DLGAP2: variants seen among roughly 807,000 people sequenced by gnomAD.
The protein encoded by DLGAP2 is disks large-associated protein 2.
Under a neutral mutation model 100.3 loss-of-function variants are expected in DLGAP2, and 26 were observed. The ratio of observed to expected loss-of-function variants is 0.26; its 90% CI spans 0.19 to 0.36. The LOEUF (loss-of-function observed/expected upper bound fraction) is 0.36. DLGAP2 is among the 10% of genes least tolerant of loss of function. DLGAP2 has a pLI of 1.00. For synonymous variants in DLGAP2, 886 were observed against 630.1 expected (o/e 1.41, Z -6.08); for missense variants, 1,858 against 1,453.2 (o/e 1.28, Z -4.53).
At chr8:765,455 G>A (rs1157415453) in intron 1 of DLGAP2, among the ~76,000 whole-genome samples, 1 of 152,060 alleles carries the variant, frequency 6.6e-6, no homozygotes, top group African/African-American at 2.4e-5. Context: ...GATCATTTTT[G>A]TTGACTTGTG....
At chr8:1,122,697 C>T (rs1403545431) in intron 2 of DLGAP2, among the ~76,000 whole-genome samples, 1 of 151,952 alleles carries the variant, frequency 6.6e-6, no homozygotes, top group Non-Finnish European at 1.5e-5. Context: ...AAAGTAGAAG[C>T]TATACTCCCT....
At chr8:1,595,109 C>T (rs1198002806) in intron 6 of DLGAP2, among the ~76,000 whole-genome samples, 1 of 151,934 alleles carries the variant, frequency 6.6e-6, no homozygotes, top group Non-Finnish European at 1.5e-5. Context: ...GGCGTCATCT[C>T]AGCCCACTGC....
chr8:1,411,723 C>G (rs942789009), intron 3 of DLGAP2, among the ~76,000 whole-genome samples: 1 of 152,206 alleles, frequency 6.6e-6, no homozygotes, highest in African/African-American at 2.4e-5. Context: ...AGCTGCGTGT[C>G]TACTTCATTT....
intron 2 of DLGAP2, among the ~76,000 whole-genome samples, chr8:908,780 A>G (rs556168055): frequency 2.0e-4 from 30 of 152,338 alleles, no homozygotes; most frequent in South Asian, 1.0e-3. Flanking sequence ...ATTCATTTCT[A>G]AAAGCAATCG....
At chr8:1,593,118 C>A (rs747962325) in intron 6 of DLGAP2, among the ~76,000 whole-genome samples, 16 of 152,132 alleles carry the variant, frequency 1.1e-4, no homozygotes, top group Non-Finnish European at 2.1e-4. Context: ...TCAACAAACA[C>A]AGCCGTTCAA....
intron 2 of DLGAP2, among the ~76,000 whole-genome samples, chr8:979,332 C>T (rs1229811573): frequency 6.6e-6 from 1 of 152,228 alleles, no homozygotes; most frequent in Non-Finnish European, 1.5e-5. Context: ...ATGGGAATCT[C>T]AGTGGATATC....
intron 3 of DLGAP2, among the ~76,000 whole-genome samples, chr8:1,376,666 GGGATGTGTGGT>G: frequency 7.9e-6 from 1 of 126,384 alleles, no homozygotes; most frequent in Admixed American, 8.3e-5. Context: ...TGACCCCGGT[GGGATGTGTGGT>G]CATCGGCGGA....
chr8:1,230,227 A>G (rs890497791), intron 2 of DLGAP2, among the ~76,000 whole-genome samples: 2 of 152,228 alleles, frequency 1.3e-5, no homozygotes, highest in Admixed American at 6.5e-5. Flanking sequence ...GTGAAGTTCA[A>G]ACTGAGAGCC....
chr8:1,322,595 C>T (rs1327802733), intron 3 of DLGAP2, among the ~76,000 whole-genome samples: 6 of 151,600 alleles, frequency 4.0e-5, no homozygotes, highest in African/African-American at 7.3e-5. Flanking sequence ...GAAATGTGTG[C>T]GCCCACCTGG....
intron 3 of DLGAP2, among the ~76,000 whole-genome samples, chr8:1,462,685 G>C (rs150435859): frequency 1.3e-5 from 2 of 152,162 alleles, no homozygotes; most frequent in South Asian, 2.1e-4. Context: ...GGCTGCCAGC[G>C]TGGGTGGCTG....
intron 2 of DLGAP2, among the ~76,000 whole-genome samples, chr8:948,734 C>T (rs932589552): frequency 1.2e-4 from 18 of 152,256 alleles, no homozygotes; most frequent in Non-Finnish European, 1.0e-4. Flanking sequence ...CTTCTCACTG[C>T]CCCTGGGGCT....
At chr8:1,438,695 A>G (rs1797729568) in intron 3 of DLGAP2, among the ~76,000 whole-genome samples, 1 of 152,230 alleles carries the variant, frequency 6.6e-6, no homozygotes, top group African/African-American at 2.4e-5. Flanking sequence ...ATCTATCACA[A>G]TACACACTTC....
chr8:1,498,277 A>G (rs574960620), intron 3 of DLGAP2, among the ~76,000 whole-genome samples: 1 of 152,326 alleles, frequency 6.6e-6, no homozygotes, highest in South Asian at 2.1e-4. Flanking sequence ...GTTTCTTATC[A>G]GAGTCAATTC....
At chr8:1,682,695 A>G (rs1004075636) in intron 12 of DLGAP2, among the ~76,000 whole-genome samples, 3 of 151,480 alleles carry the variant, frequency 2.0e-5, no homozygotes, top group Non-Finnish European at 4.4e-5. Flanking sequence ...GATAATCGTG[A>G]ACTCCTGGCC....
At chr8:1,645,861 G>A (rs552119268) in intron 8 of DLGAP2, among the ~76,000 whole-genome samples, 1 of 152,278 alleles carries the variant, frequency 6.6e-6, no homozygotes, top group South Asian at 2.1e-4. Flanking sequence ...TTTTTCCTGT[G>A]AAGCATCACA....
At chr8:1,496,732 G>A (rs1020174688) in intron 3 of DLGAP2, among the ~76,000 whole-genome samples, 4 of 152,166 alleles carry the variant, frequency 2.6e-5, no homozygotes, top group Non-Finnish European at 4.4e-5. Context: ...TAGAAAGTGC[G>A]CCTGTGTTGT....
chr8:1,501,503 C>T (rs1799722610), intron 4 of DLGAP2, 72 bp downstream of exon 4: 1 of 1,422,444 alleles, frequency 7.0e-7, no homozygotes, highest in African/African-American at 1.4e-5. Flanking sequence ...CACCTCCCAT[C>T]ATGCGGACCG....
chr8:1,447,106 C>T (rs1002098553), intron 3 of DLGAP2, among the ~76,000 whole-genome samples: 3 of 152,214 alleles, frequency 2.0e-5, no homozygotes, highest in Admixed American at 2.0e-4. Flanking sequence ...CCTAATTGCC[C>T]TGGCCAGAAC....
intron 2 of DLGAP2, among the ~76,000 whole-genome samples, chr8:963,235 C>T (rs1341000791): frequency 6.6e-6 from 1 of 152,024 alleles, no homozygotes; most frequent in Non-Finnish European, 1.5e-5. Context: ...GCTTCGCCAC[C>T]CCACGACCCC....
Sources: allele counts gnomAD v4.1 joint callset (sites outside exome capture counted in the v4.1 genomes callset), GRCh38; gene constraint gnomAD v4.1.1; transcripts MANE v1.5; gene names NCBI Gene and HGNC (gene_info 2026-07-23, HGNC 2026-07-21).